CABIN1: variants seen among roughly 807,000 people sequenced by gnomAD.
CABIN1 encodes the protein calcineurin-binding protein cabin-1.
In CABIN1, 133 loss-of-function variants were observed where a neutral mutation model predicts 227.7. The observed-to-expected ratio is 0.58, with a 90% CI of 0.51 to 0.67. CABIN1 has a LOEUF of 0.67. CABIN1 is among the 30% of genes least tolerant of loss of function. The probability of loss-of-function intolerance (pLI) is 0.00; values close to 1 mark genes in which losing one functional copy is unlikely to be tolerated. For missense variants in CABIN1, 2,408 were observed against 2,852.5 expected (o/e 0.84, Z 3.55); for synonymous variants, 1,086 against 1,155.1 (o/e 0.94, Z 1.21).
At chr22:24,095,610 G>A (rs571077661) in intron 24 of CABIN1, among the ~76,000 whole-genome samples, 69 of 152,342 alleles carry the variant, frequency 4.5e-4, no homozygotes, top group African/African-American at 1.6e-3. Flanking sequence ...AAAGAGAACA[G>A]CAGCACTGTG....
At chr22:24,130,465 T>C (rs1005228518) in intron 28 of CABIN1, among the ~76,000 whole-genome samples, 1 of 152,108 alleles carries the variant, frequency 6.6e-6, no homozygotes, top group Admixed American at 6.5e-5. Context: ...AGCCTCTATT[T>C]CCTCATTGGT....
At chr22:24,136,718 CAATA>C (rs1378188122) in intron 29 of CABIN1, among the ~76,000 whole-genome samples, 9 of 146,644 alleles carry the variant, frequency 6.1e-5, no homozygotes, top group Non-Finnish European at 7.4e-5. Context: ...TTACTACAAA[CAATA>C]CATCACACAC....
At chr22:24,119,932 G>C (rs188271969) in intron 28 of CABIN1, among the ~76,000 whole-genome samples, 8 of 152,130 alleles carry the variant, frequency 5.3e-5, no homozygotes, top group African/African-American at 1.9e-4. Context: ...AGTGTAGGGG[G>C]TCTCACAGTC....
Position 24,119,601 on chromosome 22 carries a change from G to T in CABIN1, c.4535G>T (p.Cys1512Phe). The T allele has an allele frequency of 6.2e-7, 1 of 1,613,676 alleles. No homozygotes were observed. Among genetic ancestry groups the T allele is most frequent in the Non-Finnish European group, 8.5e-7 (1 of 1,179,946 alleles). The stretch of plus-strand genomic sequence containing the variant: ...CAGCGGCAGTTTCTCACAGAGCAGT[G>T]CATCGCCTCCTTCCGCCTGTGCCTG... ...EEQRQFLTEQ[C>F]IASFRLCLSR... The change falls in exon 28 of 37, where the codon TGC (cysteine) becomes TTC (phenylalanine). Residue 1512 changes from cysteine to phenylalanine, a missense_variant. Coordinates refer to ENST00000263119, the MANE Select transcript of CABIN1 (RefSeq NM_012295.4).
At chr22:24,161,365 G>C (rs1326788565) in intron 29 of CABIN1, among the ~76,000 whole-genome samples, 1 of 152,162 alleles carries the variant, frequency 6.6e-6, no homozygotes, top group African/African-American at 2.4e-5. Context: ...ACCCAGCCCT[G>C]GTGACACCAG....
At position 24,166,738 on chromosome 22, in the gene CABIN1, C is replaced by G; in HGVS notation, c.5107C>G (p.Leu1703Val). ...CAGTCCTGAGGATGGCCAGGAGGGCCTCCCCCAGCCGAAGAAGCCCCCTCT... is the reference window on the plus strand; with the variant it reads ...CAGTCCTGAGGATGGCCAGGAGGGCGTCCCCCAGCCGAAGAAGCCCCCTCT... The part of the protein sequence containing the change: ...KASPEDGQEG[L>V]PQPKKPPLAD... Residue 1703 changes from leucine to valine, a missense_variant, in exon 32 of 37, where the codon CTC becomes GTC. Physicochemically the swap from Leu to Val is conservative, Grantham distance 32. Around this residue, in one of 3 missense-constraint regions of CABIN1, gnomAD observed 714 missense variants for 773.8 expected, o/e 0.92. Transcript: ENST00000263119. 1 of 1,612,810 alleles carries G rather than the reference C, an allele frequency of 6.2e-7. No individual in the cohort carries two copies. The highest frequency in any genetic ancestry group is 8.5e-7 in the Non-Finnish European group (1 of 1,179,960).
At position 24,119,302 on chromosome 22, in the gene CABIN1, G is replaced by A; in HGVS notation, c.4301-65G>A. Reference sequence around the variant, plus strand: ...CACCAAGGCGCCTCCGTTACTGGTGGTAGACCACTGCATGGACAGGGCCTA... The same window carrying A: ...CACCAAGGCGCCTCCGTTACTGGTGATAGACCACTGCATGGACAGGGCCTA... On this transcript the variant is annotated intron_variant, in intron 27 of 36. Coordinates refer to ENST00000263119, the MANE Select transcript of CABIN1 (RefSeq NM_012295.4). The A allele has an allele frequency of 2.9e-6, 4 of 1,396,502 alleles. No individual in the cohort carries two copies. In the East Asian group the frequency reaches 6.8e-5, roughly 24 times the overall value. 86.5% of individuals were successfully genotyped at this position (1,396,502 alleles called of 1,614,324 possible). A position where few individuals can be genotyped will look rare whatever the true frequency, so the allele number is the denominator to read the frequency against.
At chr22:24,164,645 C>T in intron 30 of CABIN1, 82 bp downstream of exon 30, 1 of 1,478,366 alleles carries the variant, frequency 6.8e-7, no homozygotes, top group East Asian at 2.4e-5. Flanking sequence ...CTCCACTGCT[C>T]TGGCCCAGCT....
At chr22:24,151,213 C>G (rs1425035740) in intron 29 of CABIN1, among the ~76,000 whole-genome samples, 1 of 152,130 alleles carries the variant, frequency 6.6e-6, no homozygotes. Flanking sequence ...TGGCCCCCTC[C>G]CTGCACAAAG....
Position 24,174,143 on chromosome 22 carries a change from C to T in CABIN1, c.6041-1968C>T, listed in dbSNP as rs147549982. The stretch of plus-strand genomic sequence containing the variant: ...TACAGGAATGAGCCACCAAGCCTGG[C>T]CTGTTTGTTTTCCTCACTCTGTTGC... On this transcript the variant is annotated intron_variant, in intron 34 of 36. Transcript: ENST00000263119. 8.4e-3 allele frequency among the ~76,000 whole-genome samples: 1,272 copies of T among 151,500 alleles called. 20 individuals are homozygous for T. The highest frequency in any genetic ancestry group is 0.029 in the African/African-American group (1,191 of 41,246).
At chr22:24,027,147 TTC>T (rs2036152407) in intron 1 of CABIN1, among the ~76,000 whole-genome samples, 2 of 152,228 alleles carry the variant, frequency 1.3e-5, no homozygotes, top group African/African-American at 2.4e-5. Flanking sequence ...GTAAATGATA[TTC>T]TTTTTTTCAA....
intron 29 of CABIN1, among the ~76,000 whole-genome samples, chr22:24,140,332 G>A (rs1465455880): frequency 6.6e-6 from 1 of 152,202 alleles, no homozygotes; most frequent in Non-Finnish European, 1.5e-5. Flanking sequence ...ACATGAGGAG[G>A]AGTGAAGATG....
At position 24,166,813 on chromosome 22, in the gene CABIN1, C is replaced by T. The variant is rs753426877; in HGVS notation, c.5182C>T (p.Leu1728Phe). The change falls in exon 32 of 37, where the codon CTC becomes TTC. Residue 1728 changes from leucine to phenylalanine, a missense_variant. Leu to Phe is a conservative substitution (Grantham distance 22, BLOSUM62 0). Transcript: ENST00000263119. Reference protein sequence around the residue: ...GPEPGGKVGLLNHRPVAMDAG... With the variant: ...GPEPGGKVGLFNHRPVAMDAG... ...CGAGCCAGGAGGCAAAGTGGGCCTC[C>T]TCAACCACCGGCCTGTGGCCATGGA... The T allele has an allele frequency of 7.4e-6, 12 of 1,612,924 alleles. No homozygotes were observed. In the South Asian group the frequency reaches 1.2e-4, roughly 16 times the overall value.
intron 26 of CABIN1, among the ~76,000 whole-genome samples, chr22:24,113,165 T>C (rs151205766): frequency 4.5e-4 from 69 of 152,388 alleles, no homozygotes; most frequent in African/African-American, 1.2e-3. Flanking sequence ...AAAAACTACA[T>C]AGTGGTGGCT....
chr22:24,165,037 T>C (rs533860171), intron 30 of CABIN1, among the ~76,000 whole-genome samples: 1 of 152,274 alleles, frequency 6.6e-6, no homozygotes, highest in African/African-American at 2.4e-5. Context: ...CAGCTGCCAT[T>C]TACAGGGGGT....
chr22:24,141,734 G>A (rs2044773676), intron 29 of CABIN1, among the ~76,000 whole-genome samples: 1 of 152,214 alleles, frequency 6.6e-6, no homozygotes, highest in African/African-American at 2.4e-5. Flanking sequence ...CCGGTAGCCA[G>A]TCCCCTTTGT....
chr22:24,029,121 A>T (rs1297833857), intron 1 of CABIN1, among the ~76,000 whole-genome samples: 1 of 152,208 alleles, frequency 6.6e-6, no homozygotes, highest in Non-Finnish European at 1.5e-5. Flanking sequence ...TGGGAGGCCG[A>T]GACAGGTGGA....
chr22:24,095,856 G>T (rs1330684764), intron 24 of CABIN1, 75 bp from the exon 25 acceptor site: 11 of 1,557,398 alleles, frequency 7.1e-6, no homozygotes, highest in Non-Finnish European at 9.7e-6. Flanking sequence ...CCCATTTCCA[G>T]TGTGGCTGAC....
At chr22:24,132,129 C>A (rs535770219) in intron 28 of CABIN1, among the ~76,000 whole-genome samples, 8 of 151,918 alleles carry the variant, frequency 5.3e-5, no homozygotes, top group African/African-American at 1.9e-4. Flanking sequence ...CTGATTAGAC[C>A]AGGATGGACA....
Sources: gnomAD v4.1 joint callset for allele counts (sites outside exome capture counted in the v4.1 genomes callset) on GRCh38, gnomAD v4.1.1 for gene constraint, gnomAD v4.1.1 regional missense constraint, MANE v1.5 for transcripts, NCBI Gene and HGNC (gene_info 2026-07-23, HGNC 2026-07-21) for gene names.